CEP164: variants seen among roughly 807,000 people sequenced by gnomAD.
The protein encoded by CEP164 is centrosomal protein 164.
In CEP164, 162 loss-of-function variants were observed where a neutral mutation model predicts 182.7. The ratio of observed to expected loss-of-function variants is 0.89; its 90% CI spans 0.78 to 1.01. The LOEUF is 1.01. CEP164 is among the 50% of genes least tolerant of loss of function. The pLI, the probability that CEP164 is intolerant of heterozygous loss-of-function variation, is 0.00. For missense variants in CEP164, 1,735 were observed against 1,790.4 expected (o/e 0.97, Z 0.56); for synonymous variants, 661 against 690.0 (o/e 0.96, Z 0.66).
In CEP164 at chr11:117,363,759, CTTTTTTT is replaced by C. The variant is rs72255760; in HGVS notation, c.765+275_765+281del. Among the ~76,000 whole-genome samples the C allele has an allele frequency of 9.2e-3, 540 of 58,432 alleles. 21 individuals are homozygous for C. In the East Asian group the frequency reaches 0.12, roughly 13 times the overall value. 38.3% of individuals were successfully genotyped at this position (58,432 alleles called of 152,430 possible). On this transcript the variant is annotated intron_variant, in intron 8 of 32. Transcript: ENST00000278935. Reference sequence around the variant, plus strand: ...ATTGTAATACCTAAAACCTCCAATGCTTTTTTTTTTTTTTTTTTTTTTTTTTTTAAGA... The same window carrying C: ...ATTGTAATACCTAAAACCTCCAATGCTTTTTTTTTTTTTTTTTTTTTAAGA...
Position 117,407,922 on chromosome 11 carries a change from C to A in CEP164, c.3502-3C>A, listed in dbSNP as rs1467397774. ...TTCTCCTCTGTTTTCTCCTTGGCTGCAGGAGACCAGGCACCTGGATGAGAT... is the reference window on the plus strand; with the variant it reads ...TTCTCCTCTGTTTTCTCCTTGGCTGAAGGAGACCAGGCACCTGGATGAGAT... On this transcript the variant is annotated splice_polypyrimidine_tract_variant and splice_region_variant and intron_variant, in intron 27 of 32. Coordinates refer to ENST00000278935, the MANE Select transcript of CEP164 (RefSeq NM_014956.5). 6.3e-7 allele frequency: 1 copy of A among 1,582,654 alleles called. No homozygotes were observed. The highest frequency in any genetic ancestry group is 8.6e-7 in the Non-Finnish European group (1 of 1,163,610).
intron 27 of CEP164, among the ~76,000 whole-genome samples, chr11:117,407,204 T>A (rs1016247715): frequency 8.5e-5 from 13 of 152,120 alleles, no homozygotes; most frequent in Admixed American, 8.5e-4. Flanking sequence ...AGCAAGGGGC[T>A]GGAACAGACA....
chr11:117,372,421 TTC>T (rs756502549), intron 9 of CEP164, among the ~76,000 whole-genome samples: 6 of 147,018 alleles, frequency 4.1e-5, no homozygotes, highest in Admixed American at 2.7e-4. Flanking sequence ...CCCCTTGTAC[TTC>T]TTTTTTTTTT....
intron 15 of CEP164, 63 bp from the exon 16 acceptor site, chr11:117,390,714 T>C: frequency 6.2e-7 from 1 of 1,605,198 alleles, no homozygotes; most frequent in Non-Finnish European, 8.5e-7. Context: ...GAGCCATAGC[T>C]TATGAATAGA....
rs572884 is a variant in CEP164, at chr11:117,412,910, A to G, written c.*742A>G. Reference sequence around the variant, plus strand: ...GCTGGAGTCTCAGGTCTCAAAAACAACTTCTCCAGGAGGCCAAAAAAAGAC... The same window carrying G: ...GCTGGAGTCTCAGGTCTCAAAAACAGCTTCTCCAGGAGGCCAAAAAAAGAC... On this transcript the variant is annotated 3_prime_UTR_variant, in exon 33 of 33. Transcript: ENST00000278935. The G allele has an allele frequency of 0.16, 23,754 of 152,012 alleles. 2,433 individuals carry two copies. The highest frequency in any genetic ancestry group is 0.28 in the African/African-American group (11,775 of 41,378). 9.4% of individuals were successfully genotyped at this position (152,012 alleles called of 1,614,324 possible). A position where few individuals can be genotyped will look rare whatever the true frequency, so the allele number is the denominator to read the frequency against.
At chr11:117,367,490 T>G (rs1565500553) in intron 8 of CEP164, among the ~76,000 whole-genome samples, 1 of 152,270 alleles carries the variant, frequency 6.6e-6, no homozygotes, top group Non-Finnish European at 1.5e-5. Context: ...TTTGGCTATA[T>G]TCTCTCACGT....
intron 11 of CEP164, among the ~76,000 whole-genome samples, chr11:117,376,393 G>A (rs1180985279): frequency 6.6e-6 from 1 of 152,226 alleles, no homozygotes; most frequent in Non-Finnish European, 1.5e-5. Flanking sequence ...CATGGATGAT[G>A]ATTGACCCAT....
rs756303986 is a variant in CEP164, at chr11:117,409,741, C to T, written c.3872C>T (p.Pro1291Leu). The T allele has an allele frequency of 2.4e-5, 39 of 1,613,882 alleles. No individual in the cohort carries two copies. Among genetic ancestry groups the T allele is most frequent in the South Asian group, 4.4e-5 (4 of 91,084 alleles). The change falls in exon 30 of 33, where the codon CCG (proline) becomes CTG (leucine). Residue 1291 changes from proline to leucine, a missense_variant. By Grantham distance (98) the Pro-to-Leu change is moderately conservative. Coordinates refer to ENST00000278935, the MANE Select transcript of CEP164 (RefSeq NM_014956.5). The surrounding 1 kb of genome is among the most constrained non-coding windows in gnomAD (Gnocchi z 4.4). ...GACAGCCTCAACCCTCAGTCGCCGCCGCCGCTCCTCGCCTCCATGCCAGCC... is the reference window on the plus strand; with the variant it reads ...GACAGCCTCAACCCTCAGTCGCCGCTGCCGCTCCTCGCCTCCATGCCAGCC... ...ILDSLNPQSP[P>L]PLLASMPAQL... is the part of the protein sequence containing the mutation.
At chr11:117,354,167 C>G (rs919961941) in intron 5 of CEP164, among the ~76,000 whole-genome samples, 6 of 152,004 alleles carry the variant, frequency 3.9e-5, no homozygotes, top group Admixed American at 3.3e-4. Flanking sequence ...CAGGCGCCCA[C>G]CACCGTGCCC....
intron 8 of CEP164, chr11:117,364,091 C>G (rs936055547): frequency 6.6e-6 from 1 of 152,130 alleles, no homozygotes; most frequent in Non-Finnish European, 1.5e-5. Context: ...TAGAAAGGAG[C>G]TTTCCCTACC....
intron 20 of CEP164, 55 bp downstream of exon 20, chr11:117,393,181 G>A (rs2510448): frequency 2.9e-5 from 46 of 1,584,456 alleles, no homozygotes; most frequent in Admixed American, 6.8e-5. Flanking sequence ...ACACATGCAC[G>A]CACATGCACA....
intron 1 of CEP164, among the ~76,000 whole-genome samples, chr11:117,322,393 C>T (rs893037553): frequency 3.3e-5 from 5 of 152,108 alleles, no homozygotes; most frequent in Admixed American, 2.0e-4. Flanking sequence ...GATTTATAGG[C>T]GTGAGCCACC....
chr11:117,394,247 C>T lies in CEP164; in HGVS notation c.2617-103C>T. 1 of 1,460,932 alleles carries T rather than the reference C, an allele frequency of 6.8e-7. No homozygotes were observed. The highest frequency in any genetic ancestry group is 9.3e-7 in the Non-Finnish European group (1 of 1,078,114). 90.5% of individuals were successfully genotyped at this position (1,460,932 alleles called of 1,614,324 possible). ...GCTGGCTTTAGGGAGCCGATGGTGT[C>T]CCTGATCTTACTGATGCAAGGCTGC... On this transcript the variant is annotated intron_variant, in intron 20 of 32. Coordinates refer to ENST00000278935, the MANE Select transcript of CEP164 (RefSeq NM_014956.5). This position sits in a 1 kb window ranked among gnomAD's most constrained non-coding sequence, Gnocchi z 4.0.
intron 3 of CEP164, 63 bp downstream of exon 3, chr11:117,338,731 T>C: frequency 1.5e-6 from 2 of 1,291,002 alleles, no homozygotes; most frequent in Non-Finnish European, 2.3e-6. Context: ...AGGGATTGTC[T>C]GGTTTATTTT....
At chr11:117,356,453 C>T in intron 5 of CEP164, 13 of 1,268,772 alleles carry the variant, frequency 1.0e-5, no homozygotes, top group Non-Finnish European at 1.3e-5. Context: ...GGAGCCAGAG[C>T]TGCTGGAACA....
chr11:117,398,788 AC>A (rs894213485), intron 27 of CEP164, among the ~76,000 whole-genome samples: 4 of 151,748 alleles, frequency 2.6e-5, no homozygotes, highest in African/African-American at 9.7e-5. Flanking sequence ...CAGCATGGGG[AC>A]CCTGGGCCTG....
At chr11:117,398,272 C>T (rs1378569945) in intron 27 of CEP164, among the ~76,000 whole-genome samples, 9 of 152,222 alleles carry the variant, frequency 5.9e-5, no homozygotes, top group Non-Finnish European at 7.3e-5. Flanking sequence ...TGGGCAGCTC[C>T]GCCCCTGTGG....
intron 25 of CEP164, 22 bp from the exon 26 acceptor site, chr11:117,396,528 C>G (rs376210019): frequency 6.7e-5 from 108 of 1,609,028 alleles, no homozygotes; most frequent in Non-Finnish European, 8.8e-5. Flanking sequence ...ACTCAGTGGA[C>G]TTTTCTACCA....
At chr11:117,367,332 A>C (rs975266726) in intron 8 of CEP164, among the ~76,000 whole-genome samples, 1 of 152,236 alleles carries the variant, frequency 6.6e-6, no homozygotes, top group Non-Finnish European at 1.5e-5. Flanking sequence ...GTTAGTCAAC[A>C]TGGTGCAGAG....
Sources: gnomAD v4.1 joint callset for allele counts (sites outside exome capture counted in the v4.1 genomes callset) on GRCh38, gnomAD v4.1.1 for gene constraint, Gnocchi (gnomAD v3.1) non-coding constraint, MANE v1.5 for transcripts, NCBI Gene and HGNC (gene_info 2026-07-23, HGNC 2026-07-21) for gene names.